Variants in NTF3 observed in about 807,000 individuals in gnomAD.
NTF3 encodes the protein neurotrophin-3.
NTF3 carries 8 observed loss-of-function variants against 26.3 expected under a neutral mutation model. The observed-to-expected ratio is 0.30, with a 90% CI of 0.18 to 0.55. The LOEUF is 0.55. Among genes scored for constraint, NTF3 ranks in the 20% least tolerant of loss-of-function variants. The pLI is 0.93. For synonymous variants in NTF3, 154 were observed against 145.5 expected (o/e 1.06, Z -0.42); for missense variants, 276 against 352.9 (o/e 0.78, Z 1.75).
At chr12:5,485,518 C>G (rs1257908241) in intron 1 of NTF3, among the ~76,000 whole-genome samples, 1 of 152,160 alleles carries the variant, frequency 6.6e-6, no homozygotes, top group Non-Finnish European at 1.5e-5. Flanking sequence ...TAATCGTATC[C>G]ACAAAGATTA....
intron 1 of NTF3, among the ~76,000 whole-genome samples, chr12:5,467,024 G>A (rs1940598214): frequency 6.6e-6 from 1 of 152,044 alleles, no homozygotes; most frequent in Non-Finnish European, 1.5e-5. Flanking sequence ...AAGGTCAGGA[G>A]TTCAAGACCA....
chr12:5,466,940 G>A (rs988520122), intron 1 of NTF3, among the ~76,000 whole-genome samples: 1 of 152,100 alleles, frequency 6.6e-6, no homozygotes, highest in East Asian at 1.9e-4. Flanking sequence ...CCCTTAAAAA[G>A]TCGGGTGCTT....
rs115059015 is a variant in NTF3, at chr12:5,449,301, C to T, written c.18+16959C>T. On this transcript the variant is annotated intron_variant, in intron 1 of 1. Transcript: ENST00000423158. ...CTGTCTCGAGGCAGCTTCCCTCAGC[C>T]CCTCCCAGGACATCGAGGTTTTGGG... Among the ~76,000 whole-genome samples, 1,140 of 152,310 alleles carry T rather than the reference C, an allele frequency of 7.5e-3. 10 individuals are homozygous for T. Among genetic ancestry groups the T allele is most frequent in the African/African-American group, 0.025 (1,055 of 41,564 alleles).
chr12:5,433,989 C>A lies in NTF3; in HGVS notation c.18+1647C>A, dbSNP rs1940134817. 1.3e-5 allele frequency among the ~76,000 whole-genome samples: 2 copies of A among 152,252 alleles called. No individual in the cohort carries two copies. The highest frequency in any genetic ancestry group is 1.3e-4 in the Admixed American group (2 of 15,302). The stretch of plus-strand genomic sequence containing the variant: ...TGCCCGCTCCTACCCCGCAAAACAG[C>A]GAACGAGGAGAACATGGAAGCGCTC... On this transcript the variant is annotated intron_variant, in intron 1 of 1. Coordinates refer to ENST00000423158, the MANE Select transcript of NTF3 (RefSeq NM_001102654.2). The surrounding 1 kb of genome is among the most constrained non-coding windows in gnomAD (Gnocchi z 4.6).
At chr12:5,463,074 G>A (rs180764114) in intron 1 of NTF3, among the ~76,000 whole-genome samples, 2 of 152,300 alleles carry the variant, frequency 1.3e-5, no homozygotes, top group East Asian at 3.9e-4. Context: ...ACTGGAAAGT[G>A]GTCTGCAGGG....
rs546630342 is a variant in NTF3, at chr12:5,433,766, G to A, written c.18+1424G>A. ...TGAGTCCGAATGGAGGTTGCTCCCG[G>A]GAGCGCCGGGCTCAGAGCTAGAGAG... On this transcript the variant is annotated intron_variant, in intron 1 of 1. Coordinates refer to ENST00000423158, the MANE Select transcript of NTF3 (RefSeq NM_001102654.2). The surrounding 1 kb of genome is among the most constrained non-coding windows in gnomAD (Gnocchi z 4.6). Among the ~76,000 whole-genome samples, 2 of 152,076 alleles carry A rather than the reference G, an allele frequency of 1.3e-5. No individual in the cohort carries two copies. The highest frequency in any genetic ancestry group is 1.3e-4 in the Admixed American group (2 of 15,294).
intron 1 of NTF3, among the ~76,000 whole-genome samples, chr12:5,457,854 TG>T (rs1377536571): frequency 6.6e-6 from 1 of 152,134 alleles, no homozygotes; most frequent in Admixed American, 6.5e-5. Flanking sequence ...CACCTCAGCT[TG>T]TCTCTCTGTC....
At chr12:5,441,842 C>T (rs547721797) in intron 1 of NTF3, among the ~76,000 whole-genome samples, 43 of 152,308 alleles carry the variant, frequency 2.8e-4, no homozygotes, top group African/African-American at 7.5e-4. Context: ...GAATGCTCAG[C>T]GCTTGGTGGC....
At position 5,494,101 on chromosome 12, in the gene NTF3, C is replaced by T. The variant is rs780256619; in HGVS notation, c.19-93C>T. On this transcript the variant is annotated intron_variant, in intron 1 of 1. Coordinates refer to ENST00000423158, the MANE Select transcript of NTF3 (RefSeq NM_001102654.2). This position sits in a 1 kb window ranked among gnomAD's most constrained non-coding sequence, Gnocchi z 8.3. ...GGGGGGCGGTACCCTCTCTCGTGCC[C>T]TCACAGGGCTACTCAGCCTCAGGTA... 5 of 1,274,950 alleles carry T rather than the reference C, an allele frequency of 3.9e-6. No individual in the cohort carries two copies. Among genetic ancestry groups the T allele is most frequent in the Middle Eastern group, 2.7e-4 (1 of 3,712 alleles). 79.0% of individuals were successfully genotyped at this position (1,274,950 alleles called of 1,614,324 possible). A position where few individuals can be genotyped will look rare whatever the true frequency, so the allele number is the denominator to read the frequency against.
chr12:5,468,503 C>T (rs561100799), intron 1 of NTF3, among the ~76,000 whole-genome samples: 2 of 152,268 alleles, frequency 1.3e-5, no homozygotes, highest in East Asian at 1.9e-4. Context: ...AGTACCAAGG[C>T]GTTTTCTCTT....
intron 1 of NTF3, among the ~76,000 whole-genome samples, chr12:5,450,586 C>G (rs1281917702): frequency 6.6e-6 from 1 of 152,286 alleles, no homozygotes; most frequent in African/African-American, 2.4e-5. Flanking sequence ...TAGATTTGGC[C>G]TTCTTCATCT....
In NTF3 at chr12:5,444,423, C is replaced by T. The variant is rs142218171; in HGVS notation, c.18+12081C>T. Among the ~76,000 whole-genome samples the T allele has an allele frequency of 5.1e-4, 77 of 152,246 alleles. No individual in the cohort carries two copies. The East Asian group carries it at 8.1e-3, about 16-fold the overall frequency. On this transcript the variant is annotated intron_variant, in intron 1 of 1. Transcript: ENST00000423158. Reference sequence around the variant, plus strand: ...AGCAACAGATATGGAGCCAAACAACCCTGGGAAGTAACTAGGAAACTTCCT... The same window carrying T: ...AGCAACAGATATGGAGCCAAACAACTCTGGGAAGTAACTAGGAAACTTCCT...
intron 1 of NTF3, among the ~76,000 whole-genome samples, chr12:5,455,968 C>A (rs1940441407): frequency 6.6e-6 from 1 of 152,114 alleles, no homozygotes; most frequent in African/African-American, 2.4e-5. Context: ...CCCACCCCAG[C>A]CCAGATAACC....
In NTF3 at chr12:5,433,340, T is replaced by C. The variant is rs1244894800; in HGVS notation, c.18+998T>C. The C allele has an allele frequency of 6.6e-6, 1 of 151,816 alleles. No individual in the cohort carries two copies. The highest frequency in any genetic ancestry group is 2.4e-5 in the African/African-American group (1 of 41,218). 9.4% of individuals were successfully genotyped at this position (151,816 alleles called of 1,614,324 possible). On this transcript the variant is annotated intron_variant, in intron 1 of 1. Coordinates refer to ENST00000423158, the MANE Select transcript of NTF3 (RefSeq NM_001102654.2). The surrounding 1 kb of genome is among the most constrained non-coding windows in gnomAD (Gnocchi z 4.6). ...ACCCGCGCAGCCAGCCAGGTCGGAG[T>C]TTAAAGGTCCCACGACGGACCGAAC...
At chr12:5,471,519 A>T (rs568748492) in intron 1 of NTF3, among the ~76,000 whole-genome samples, 1 of 152,298 alleles carries the variant, frequency 6.6e-6, no homozygotes, top group African/African-American at 2.4e-5. Flanking sequence ...CCAGGCCCTC[A>T]CCTGGAGCGT....
intron 1 of NTF3, among the ~76,000 whole-genome samples, chr12:5,477,985 C>T (rs1338453059): frequency 1.3e-5 from 2 of 152,210 alleles, no homozygotes; most frequent in African/African-American, 2.4e-5. Flanking sequence ...TTGGTGACTG[C>T]TTTCGTCTCA....
At chr12:5,446,654 T>A (rs1940309780) in intron 1 of NTF3, among the ~76,000 whole-genome samples, 1 of 152,220 alleles carries the variant, frequency 6.6e-6, no homozygotes, top group Non-Finnish European at 1.5e-5. Context: ...AAAAGTTAAG[T>A]TTCCAACCAT....
intron 1 of NTF3, among the ~76,000 whole-genome samples, chr12:5,467,747 C>A (rs1370262849): frequency 4.6e-5 from 7 of 152,148 alleles, no homozygotes; most frequent in Non-Finnish European, 1.5e-5. Flanking sequence ...TAAAATCTTG[C>A]TTCTCTGTGA....
intron 1 of NTF3, among the ~76,000 whole-genome samples, chr12:5,486,885 GT>G (rs1565396889): frequency 8.0e-5 from 3 of 37,676 alleles, no homozygotes; most frequent in Non-Finnish European, 5.3e-5. Flanking sequence ...TACGTGGTGT[GT>G]GTGTGTGTGT....
Sources: gnomAD v4.1 joint callset for allele counts (sites outside exome capture counted in the v4.1 genomes callset) on GRCh38, gnomAD v4.1.1 for gene constraint, Gnocchi (gnomAD v3.1) non-coding constraint, MANE v1.5 for transcripts, NCBI Gene and HGNC (gene_info 2026-07-23, HGNC 2026-07-21) for gene names.